Variants in PLEKHG1 observed in about 807,000 individuals in gnomAD.
PLEKHG1 encodes pleckstrin homology and RhoGEF domain containing G1, also known as pleckstrin homology domain-containing family G member 1.
A neutral mutation model predicts 100.8 loss-of-function variants in PLEKHG1; 44 were observed. That is an observed-to-expected ratio of 0.44 (90% CI 0.34 to 0.56). The LOEUF is 0.56. Among genes scored for constraint, PLEKHG1 ranks in the 20% least tolerant of loss-of-function variants. The pLI is 0.01. For synonymous variants in PLEKHG1, 640 were observed against 662.5 expected (o/e 0.97, Z 0.52); for missense variants, 1,545 against 1,720.9 (o/e 0.90, Z 1.81).
At chr6:150,836,686 A>T (rs1245042984) in intron 15 of PLEKHG1, among the ~76,000 whole-genome samples, 1 of 151,894 alleles carries the variant, frequency 6.6e-6, no homozygotes, top group African/African-American at 2.4e-5. Context: ...TTCCAGGCAC[A>T]GTGGCTCATG....
intron 2 of PLEKHG1, 96 bp from the exon 4 acceptor site, chr6:150,768,542 T>G: frequency 1.4e-6 from 1 of 704,016 alleles, no homozygotes; most frequent in Non-Finnish European, 2.5e-6. Context: ...AGTAAAATAA[T>G]TACTTGAAAC....
At chr6:150,779,409 G>C (rs190593350) in intron 3 of PLEKHG1, among the ~76,000 whole-genome samples, 1 of 147,612 alleles carries the variant, frequency 6.8e-6, no homozygotes, top group East Asian at 2.1e-4. Context: ...GCAATGGCGC[G>C]ATCTCAGCTC....
chr6:150,822,965 G>A (rs1001772780), intron 13 of PLEKHG1, among the ~76,000 whole-genome samples: 28 of 152,322 alleles, frequency 1.8e-4, no homozygotes, highest in Middle Eastern at 3.4e-3. Flanking sequence ...GGATGACAGA[G>A]CGAGACTCCA....
At chr6:150,754,364 G>A (rs1783697598) in intron 2 of PLEKHG1, among the ~76,000 whole-genome samples, 1 of 152,122 alleles carries the variant, frequency 6.6e-6, no homozygotes, top group African/African-American at 2.4e-5. Context: ...GGTCGGGAGG[G>A]ATTTAAGAGT....
intron 1 of PLEKHG1, among the ~76,000 whole-genome samples, chr6:150,631,610 G>C (rs1166067747): frequency 6.6e-6 from 1 of 152,192 alleles, no homozygotes; most frequent in Admixed American, 6.5e-5. Context: ...AGGAAAACTT[G>C]CAGTAAGACT....
At chr6:150,650,084 A>G (rs959621031) in intron 2 of PLEKHG1, among the ~76,000 whole-genome samples, 1 of 151,882 alleles carries the variant, frequency 6.6e-6, no homozygotes, top group African/African-American at 2.4e-5. Context: ...GAAAGAAAAA[A>G]AAAACCAAAA....
At chr6:150,777,184 C>T (rs527790593) in intron 3 of PLEKHG1, among the ~76,000 whole-genome samples, 1 of 149,526 alleles carries the variant, frequency 6.7e-6, no homozygotes, top group South Asian at 2.1e-4. Context: ...CGTACATGTG[C>T]GGTTGCACAT....
exon 1 of PLEKHG1, chr6:150,599,963 C>T: frequency 4.5e-6 from 1 of 220,288 alleles, no homozygotes; most frequent in Non-Finnish European, 9.4e-6. Context: ...CAGCCCGCAC[C>T]CTCCCCGCCC....
intron 5 of PLEKHG1, among the ~76,000 whole-genome samples, chr6:150,797,834 C>CAAAAAAAAAAA (rs58218481): frequency 8.4e-5 from 2 of 23,882 alleles, no homozygotes; most frequent in Non-Finnish European, 1.4e-4. Context: ...GACTCTGTCT[C>CAAAAAAAAAAA]AAAAAAAAAA....
intron 3 of PLEKHG1, among the ~76,000 whole-genome samples, chr6:150,693,583 T>G (rs1780427022): frequency 6.6e-6 from 1 of 152,204 alleles, no homozygotes; most frequent in Admixed American, 6.5e-5. Flanking sequence ...GCTCCGTGGT[T>G]CAGGCTAACC....
chr6:150,839,944 G>A, exon 16 of PLEKHG1: 1 of 1,614,052 alleles, frequency 6.2e-7, no homozygotes, highest in Non-Finnish European at 8.5e-7. Context: ...TCCCTCCTGA[G>A]GTCTGTGTCA....
chr6:150,767,771 C>T (rs1189020738), intron 2 of PLEKHG1, among the ~76,000 whole-genome samples: 2 of 152,160 alleles, frequency 1.3e-5, no homozygotes, highest in African/African-American at 2.4e-5. Context: ...CGCCATGTTA[C>T]GTTTGGGAGG....
At chr6:150,806,208 T>G (rs925096069) in intron 7 of PLEKHG1, among the ~76,000 whole-genome samples, 1 of 140,272 alleles carries the variant, frequency 7.1e-6, no homozygotes, top group Non-Finnish European at 1.5e-5. Flanking sequence ...GATGACATTC[T>G]AATCTTCCAG....
intron 10 of PLEKHG1, among the ~76,000 whole-genome samples, chr6:150,812,934 C>T (rs545932494): frequency 1.3e-5 from 2 of 152,214 alleles, no homozygotes; most frequent in East Asian, 3.9e-4. Context: ...CGATTTCACT[C>T]GTGCAGATAA....
intron 3 of PLEKHG1, among the ~76,000 whole-genome samples, chr6:150,707,510 G>A (rs569100081): frequency 3.3e-5 from 5 of 152,248 alleles, no homozygotes; most frequent in African/African-American, 1.2e-4. Flanking sequence ...GAAAGGGGAT[G>A]GTGAGGACTG....
chr6:150,695,568 C>G (rs1780509453), intron 3 of PLEKHG1, among the ~76,000 whole-genome samples: 1 of 152,200 alleles, frequency 6.6e-6, no homozygotes, highest in South Asian at 2.1e-4. Context: ...TTTGTGTGAT[C>G]TTGGACTTGT....
chr6:150,723,743 C>G (rs1238028925), intron 1 of PLEKHG1, among the ~76,000 whole-genome samples: 1 of 152,188 alleles, frequency 6.6e-6, no homozygotes, highest in Non-Finnish European at 1.5e-5. Flanking sequence ...TGGGTTCTCT[C>G]TTATTGCTTA....
At chr6:150,810,514 A>AAAAGAAAGAAAGAAAG (rs370057036) in intron 10 of PLEKHG1, among the ~76,000 whole-genome samples, 1,451 of 88,606 alleles carry the variant, frequency 0.016, 19 homozygotes, top group African/African-American at 0.019. Context: ...GAAAGAAAGA[A>AAAAGAAAGAAAGAAAG]AAAGAAAGAA....
At chr6:150,615,289 T>A (rs1777023023) in intron 1 of PLEKHG1, among the ~76,000 whole-genome samples, 1 of 152,088 alleles carries the variant, frequency 6.6e-6, no homozygotes, top group African/African-American at 2.4e-5. Context: ...CTGGATAACC[T>A]ATAACCTCAG....
Sources: gnomAD v4.1 joint callset for allele counts (sites outside exome capture counted in the v4.1 genomes callset) on GRCh38, gnomAD v4.1.1 for gene constraint, MANE v1.5 for transcripts, NCBI Gene and HGNC (gene_info 2026-07-23, HGNC 2026-07-21) for gene names.